The following SNX31 variants were observed in gnomAD, a reference collection of about 807,000 sequenced individuals.
SNX31 encodes the protein sorting nexin-31.
Under a neutral mutation model 65.4 loss-of-function variants are expected in SNX31, and 58 were observed. That is an observed-to-expected ratio of 0.89 (90% confidence interval 0.72 to 1.10). SNX31 has a LOEUF of 1.10. Ranked by LOEUF, SNX31 falls within the 50% of genes least tolerant of loss-of-function variation. SNX31 has a pLI of 0.00. For synonymous variants in SNX31, 181 were observed against 190.1 expected (o/e 0.95, Z 0.39); for missense variants, 523 against 529.7 (o/e 0.99, Z 0.12).
intron 9 of SNX31, among the ~76,000 whole-genome samples, chr8:100,598,717 T>C (rs1815336281): frequency 6.7e-6 from 1 of 149,918 alleles, no homozygotes; most frequent in Non-Finnish European, 1.5e-5. Context: ...AAAGTATGTT[T>C]ATATTAATAT....
At chr8:100,607,876 A>G (rs544748623) in intron 8 of SNX31, among the ~76,000 whole-genome samples, 12 of 152,240 alleles carry the variant, frequency 7.9e-5, no homozygotes, top group African/African-American at 9.6e-5. Flanking sequence ...CGATCATTAC[A>G]GGAGCATGGG....
intron 2 of SNX31, among the ~76,000 whole-genome samples, chr8:100,644,477 A>AG (rs35347476): frequency 0.49 from 73,406 of 151,254 alleles, 18,068 homozygotes; most frequent in African/African-American, 0.57. Flanking sequence ...AAAGGCACAG[A>AG]AAATGTGGGG....
chr8:100,595,154 C>T (rs748750406), intron 10 of SNX31, among the ~76,000 whole-genome samples: 5 of 152,270 alleles, frequency 3.3e-5, no homozygotes, highest in East Asian at 1.9e-4. Context: ...CCACAAAACA[C>T]GTTTCCATAC....
chr8:100,628,813 GGTGTGTGTGTGT>G (rs35911139), intron 4 of SNX31, among the ~76,000 whole-genome samples: 2,746 of 144,082 alleles, frequency 0.019, 89 homozygotes, highest in African/African-American at 0.063. Flanking sequence ...AAATAAAATG[GGTGTGTGTGTGT>G]GTGTGTGTGT....
intron 10 of SNX31, among the ~76,000 whole-genome samples, chr8:100,590,396 C>CAG (rs1432805525): frequency 2.0e-5 from 3 of 151,890 alleles, no homozygotes; most frequent in Non-Finnish European, 2.9e-5. Context: ...AGTTCAAAAC[C>CAG]AGCCTGGGCA....
chr8:100,607,301 G>T (rs933820263), intron 8 of SNX31, among the ~76,000 whole-genome samples: 2 of 152,218 alleles, frequency 1.3e-5, no homozygotes, highest in Non-Finnish European at 2.9e-5. Context: ...CTCCGAAGAT[G>T]GCGGTGTGGT....
chr8:100,613,524 G>A lies in SNX31; in HGVS notation c.433-439C>T, dbSNP rs1349047192. 1.3e-5 allele frequency among the ~76,000 whole-genome samples: 2 copies of A among 152,244 alleles called. No individual in the cohort carries two copies. The highest frequency in any genetic ancestry group is 1.9e-4 in the East Asian group (1 of 5,178). On this transcript the variant is annotated intron_variant, in intron 5 of 13. Transcript: ENST00000311812. This position sits in a 1 kb window ranked among gnomAD's most constrained non-coding sequence, Gnocchi z 5.2. Reference sequence around the variant, plus strand: ...GCTATTTGGAAAAGGATCACTCCCCGCCGCTTGGCTGGCATACAAACGTGC... The same window carrying A: ...GCTATTTGGAAAAGGATCACTCCCCACCGCTTGGCTGGCATACAAACGTGC...
Position 100,630,530 on chromosome 8 carries a change from C to G in SNX31, c.257-139G>C. ...TGAAGTGATAAATGTTGAAACCTCT[C>G]AAATACAGGAAAACCCCCAAAGCTT... On this transcript the variant is annotated intron_variant, in intron 3 of 13. Transcript: ENST00000311812. The surrounding 1 kb of genome is among the most constrained non-coding windows in gnomAD (Gnocchi z 5.3). 1.4e-6 allele frequency: 1 copy of G among 692,384 alleles called. No individual in the cohort carries two copies. The allele number at this position is 692,384 out of a possible 1,614,324, so 42.9% of individuals were successfully genotyped here. A position where few individuals can be genotyped will look rare whatever the true frequency, so the allele number is the denominator to read the frequency against.
intron 2 of SNX31, among the ~76,000 whole-genome samples, chr8:100,647,300 T>C (rs1819705738): frequency 6.6e-6 from 1 of 152,222 alleles, no homozygotes; most frequent in Non-Finnish European, 1.5e-5. Context: ...TAAAATCTAT[T>C]GTATGTCCTA....
At chr8:100,624,913 T>C (rs1452462040) in intron 4 of SNX31, among the ~76,000 whole-genome samples, 1 of 152,132 alleles carries the variant, frequency 6.6e-6, no homozygotes, top group African/African-American at 2.4e-5. Flanking sequence ...GCAATCCTCC[T>C]GCCTCAGCCT....
intron 12 of SNX31, among the ~76,000 whole-genome samples, chr8:100,583,682 C>T (rs1813763332): frequency 6.6e-6 from 1 of 152,080 alleles, no homozygotes; most frequent in Admixed American, 6.6e-5. Context: ...TTTCATTTGG[C>T]ACAATGGAAG....
chr8:100,627,034 A>G (rs1818083432), intron 4 of SNX31, among the ~76,000 whole-genome samples: 1 of 152,138 alleles, frequency 6.6e-6, no homozygotes, highest in Non-Finnish European at 1.5e-5. Context: ...CAGGTATAAA[A>G]CCTTTCAAAT....
chr8:100,648,739 C>T lies in SNX31; in HGVS notation c.141+535G>A, dbSNP rs1234821096. ...ATCCTAGCTTGGTAAGTCATGTTCC[C>T]TGGTTCCCAGCCTGCCAGTACTTGA... On this transcript the variant is annotated intron_variant, in intron 2 of 13. Coordinates refer to ENST00000311812, the MANE Select transcript of SNX31 (RefSeq NM_152628.4). The surrounding 1 kb of genome is among the most constrained non-coding windows in gnomAD (Gnocchi z 4.3). 6.6e-6 allele frequency among the ~76,000 whole-genome samples: 1 copy of T among 152,188 alleles called. No homozygotes were observed. The highest frequency in any genetic ancestry group is 1.5e-5 in the Non-Finnish European group (1 of 68,028).
rs7815600 is a variant in SNX31 at position 100,622,350 on chromosome 8, G to A, written c.322-4620C>T. ...AGAGAAAAAGAACTAGCATAGTAGC[G>A]TCCGCAATGGGGCATTTTCCAGGTG... On this transcript the variant is annotated intron_variant, in intron 4 of 13. Coordinates refer to ENST00000311812, the MANE Select transcript of SNX31 (RefSeq NM_152628.4). This position sits in a 1 kb window ranked among gnomAD's most constrained non-coding sequence, Gnocchi z 5.0. Among the ~76,000 whole-genome samples the A allele has an allele frequency of 0.016, 2,486 of 152,136 alleles. 66 individuals are homozygous for A. The highest frequency in any genetic ancestry group is 0.056 in the African/African-American group (2,340 of 41,496).
chr8:100,592,774 A>G (rs2130876976), intron 10 of SNX31, among the ~76,000 whole-genome samples: 1 of 152,372 alleles, frequency 6.6e-6, no homozygotes, highest in South Asian at 2.1e-4. Context: ...CATGAAGTGG[A>G]ATATTATTTG....
chr8:100,587,337 C>T lies in SNX31; in HGVS notation c.1092+1529G>A, dbSNP rs1049011577. The stretch of plus-strand genomic sequence containing the variant: ...CCAAAATGTGAAACTTTTTGAGCCA[C>T]TTAAATGATGCCACAAGTGGGAAAT... On this transcript the variant is annotated intron_variant, in intron 11 of 13. Coordinates refer to ENST00000311812, the MANE Select transcript of SNX31 (RefSeq NM_152628.4). Among the ~76,000 whole-genome samples, 3 of 152,298 alleles carry T rather than the reference C, an allele frequency of 2.0e-5. 1 individual carries two copies.
chr8:100,618,703 A>G, intron 4 of SNX31: 1 of 308,110 alleles, frequency 3.2e-6, no homozygotes, highest in South Asian at 5.4e-5. Flanking sequence ...ACTTACTATT[A>G]CTGGCTTATT....
intron 11 of SNX31, among the ~76,000 whole-genome samples, chr8:100,586,212 C>T (rs920353387): frequency 3.9e-5 from 6 of 152,188 alleles, no homozygotes; most frequent in Middle Eastern, 3.2e-3. Context: ...TGAGCCACTG[C>T]GCCTGGCCAA....
chr8:100,652,497 A>G (rs2131311077), upstream of SNX31, among the ~76,000 whole-genome samples: 1 of 152,306 alleles, frequency 6.6e-6, no homozygotes, highest in South Asian at 2.1e-4. Context: ...TGGCAGCCTC[A>G]GTCCCCTAAC....
Sources: allele counts gnomAD v4.1 joint callset (sites outside exome capture counted in the v4.1 genomes callset), GRCh38; gene constraint gnomAD v4.1.1; non-coding constraint Gnocchi (gnomAD v3.1); transcripts MANE v1.5; gene names NCBI Gene and HGNC (gene_info 2026-07-23, HGNC 2026-07-21).